The following LGSN variants were observed in gnomAD, a reference collection of about 807,000 sequenced individuals.
The protein encoded by LGSN is lengsin.
In LGSN, 21 loss-of-function variants were observed where a neutral mutation model predicts 19.5. The observed-to-expected ratio is 1.07, with a 90% CI of 0.76 to 1.55. The LOEUF (loss-of-function observed/expected upper bound fraction) is 1.55. Among genes scored for constraint, LGSN ranks in the 40% most tolerant of loss-of-function variants. LGSN has a pLI of 0.00. For missense variants in LGSN, 673 were observed against 608.5 expected, an observed-to-expected ratio of 1.11 and a Z score of -1.12; for synonymous variants, 257 against 215.6, an observed-to-expected ratio of 1.19 and a Z score of -1.68.
At chr6:63,373,116 C>T in the LGSN span, among the ~76,000 whole-genome samples, 1 of 152,214 alleles carries the variant, frequency 6.6e-6, no homozygotes, top group Non-Finnish European at 1.5e-5. Context: ...AGCTGGCTGA[C>T]ATCCCTTTGA....
At chr6:63,552,477 T>G in the LGSN span, among the ~76,000 whole-genome samples, 16 of 152,342 alleles carry the variant, frequency 1.1e-4, no homozygotes, top group Middle Eastern at 0.014. Context: ...TCTCCCATTC[T>G]GTAGGTTGCC....
the LGSN span, among the ~76,000 whole-genome samples, chr6:63,424,593 G>A: frequency 6.6e-6 from 1 of 151,398 alleles, no homozygotes; most frequent in Non-Finnish European, 1.5e-5. Context: ...ATCCAAGAAA[G>A]GACTAATAAC....
chr6:63,420,231 T>A, the LGSN span, among the ~76,000 whole-genome samples: 3 of 151,864 alleles, frequency 2.0e-5, no homozygotes, highest in Non-Finnish European at 4.4e-5. Context: ...ACTTTGTACT[T>A]TTTCACTCCT....
the LGSN span, among the ~76,000 whole-genome samples, chr6:63,480,948 T>G: frequency 0.044 from 1,491 of 33,892 alleles, 37 homozygotes; most frequent in South Asian, 0.093. Flanking sequence ...ATGATATATA[T>G]ATATATATAT....
the LGSN span, among the ~76,000 whole-genome samples, chr6:63,431,951 C>T: frequency 6.6e-6 from 1 of 151,448 alleles, no homozygotes; most frequent in Non-Finnish European, 1.5e-5. Flanking sequence ...TGGTGGGCAC[C>T]TATGGTCCCA....
chr6:63,288,894 A>T (rs543349333), intron 2 of LGSN, among the ~76,000 whole-genome samples: 1 of 152,250 alleles, frequency 6.6e-6, no homozygotes, highest in African/African-American at 2.4e-5. Flanking sequence ...TAAAGAACGT[A>T]TCTCCAAATT....
At chr6:63,365,573 C>T in the LGSN span, among the ~76,000 whole-genome samples, 1 of 151,800 alleles carries the variant, frequency 6.6e-6, no homozygotes, top group Non-Finnish European at 1.5e-5. Context: ...TGGAATCCTC[C>T]CTAATTCATT....
the LGSN span, among the ~76,000 whole-genome samples, chr6:63,351,373 CTG>C: frequency 3.1e-3 from 473 of 151,012 alleles, 3 homozygotes; most frequent in African/African-American, 0.01. Flanking sequence ...ATAAATATCT[CTG>C]TGTGTGTGTG....
At chr6:63,334,751 T>TA in the LGSN span, among the ~76,000 whole-genome samples, 46 of 152,096 alleles carry the variant, frequency 3.0e-4, 1 homozygote, top group Non-Finnish European at 8.8e-5. Context: ...GGTTCTGGTA[T>TA]AAAAATAGAC....
the LGSN span, among the ~76,000 whole-genome samples, chr6:63,403,700 T>C: frequency 6.6e-6 from 1 of 152,072 alleles, no homozygotes; most frequent in Non-Finnish European, 1.5e-5. Context: ...TCACTACACA[T>C]TCTACAATAA....
chr6:63,375,616 G>C, the LGSN span, among the ~76,000 whole-genome samples: 2 of 152,228 alleles, frequency 1.3e-5, no homozygotes, highest in African/African-American at 2.4e-5. Flanking sequence ...AGTTGTTGGA[G>C]AGATTAGAGA....
chr6:63,420,013 T>A, the LGSN span, among the ~76,000 whole-genome samples: 2 of 137,366 alleles, frequency 1.5e-5, no homozygotes, highest in Non-Finnish European at 3.1e-5. Context: ...AGACCATGGC[T>A]AACACGGTGA....
Position 63,280,197 on chromosome 6 carries a change from GT to G in LGSN, c.1353del (p.Glu451AspfsTer7). 6.2e-7 allele frequency: 1 copy of G among 1,614,170 alleles called. No individual in the cohort carries two copies. Among genetic ancestry groups the G allele is most frequent in the Non-Finnish European group, 8.5e-7 (1 of 1,180,040 alleles). On this transcript the variant is annotated frameshift_variant, in exon 4 of 4. Transcript: ENST00000370657. LOFTEE classifies it high-confidence loss of function. ...PDESTDFYQV[E>X]PSEIPLKLED... ...TCTAGTTTTAAAGGGATCTCAGAAGGTTCCACTTGGTAAAAGTCTGTGCTCT... is the reference window on the plus strand; with the variant it reads ...TCTAGTTTTAAAGGGATCTCAGAAGGTCCACTTGGTAAAAGTCTGTGCTCT...
At chr6:63,414,155 T>C in the LGSN span, among the ~76,000 whole-genome samples, 1 of 152,132 alleles carries the variant, frequency 6.6e-6, no homozygotes, top group Admixed American at 6.6e-5. Context: ...CTTAATTTTG[T>C]TTTGTTTTGT....
At chr6:63,458,616 A>C in the LGSN span, among the ~76,000 whole-genome samples, 1 of 151,898 alleles carries the variant, frequency 6.6e-6, no homozygotes, top group East Asian at 1.9e-4. Context: ...AAAGTTACCC[A>C]AACATTCTCG....
At chr6:63,336,543 G>A in the LGSN span, among the ~76,000 whole-genome samples, 29 of 140,568 alleles carry the variant, frequency 2.1e-4, no homozygotes, top group African/African-American at 7.6e-4. Flanking sequence ...GTGTGTGTGT[G>A]TGTGTGTGTG....
At chr6:63,520,683 G>A in the LGSN span, among the ~76,000 whole-genome samples, 2 of 146,896 alleles carry the variant, frequency 1.4e-5, no homozygotes, top group South Asian at 4.2e-4. Context: ...AATGAAAATA[G>A]ATATCTGAAA....
the LGSN span, among the ~76,000 whole-genome samples, chr6:63,398,246 T>G: frequency 6.6e-6 from 1 of 150,720 alleles, no homozygotes; most frequent in Non-Finnish European, 1.5e-5. Flanking sequence ...TAAAACAGAT[T>G]CAGGCAGGTC....
chr6:63,495,725 T>C, the LGSN span, among the ~76,000 whole-genome samples: 2 of 151,686 alleles, frequency 1.3e-5, no homozygotes, highest in African/African-American at 2.4e-5. Context: ...GCCGGGATTA[T>C]AGGCGTGAGC....
Sources: allele counts gnomAD v4.1 joint callset (sites outside exome capture counted in the v4.1 genomes callset), GRCh38; gene constraint gnomAD v4.1.1; transcripts MANE v1.5; gene names NCBI Gene and HGNC (gene_info 2026-07-23, HGNC 2026-07-21).